The following SPMAP2L variants were observed in gnomAD, a reference collection of about 807,000 sequenced individuals.
The protein encoded by SPMAP2L is sperm microtubule associated protein 2-like.
At chr4:56,560,012 A>T in the SPMAP2L span, among the ~76,000 whole-genome samples, 1 of 152,210 alleles carries the variant, frequency 6.6e-6, no homozygotes, top group Non-Finnish European at 1.5e-5. Context: ...TCCAGAGCAA[A>T]ATCTGATACT....
chr4:56,565,952 AT>A, the SPMAP2L span, among the ~76,000 whole-genome samples: 1 of 152,122 alleles, frequency 6.6e-6, no homozygotes, highest in Admixed American at 6.6e-5. Context: ...CATGACATAT[AT>A]TTTTTATCCA....
At chr4:56,540,919 G>A in the SPMAP2L span, among the ~76,000 whole-genome samples, 1 of 152,242 alleles carries the variant, frequency 6.6e-6, no homozygotes, top group East Asian at 1.9e-4. Flanking sequence ...GAACACTGCT[G>A]TGCCCAGGAG....
chr4:56,605,386 C>T, the SPMAP2L span, among the ~76,000 whole-genome samples: 1 of 151,926 alleles, frequency 6.6e-6, no homozygotes, highest in African/African-American at 2.4e-5. Flanking sequence ...AGAATATTCA[C>T]CAATAAATGT....
At chr4:56,548,188 C>A in the SPMAP2L span, among the ~76,000 whole-genome samples, 27 of 152,062 alleles carry the variant, frequency 1.8e-4, no homozygotes, top group African/African-American at 6.5e-4. Context: ...AGAAAAATCT[C>A]ATTTTTTGCA....
the SPMAP2L span, among the ~76,000 whole-genome samples, chr4:56,611,132 A>G: frequency 6.6e-6 from 1 of 152,236 alleles, no homozygotes; most frequent in Non-Finnish European, 1.5e-5. Flanking sequence ...TACGAAAAAG[A>G]TACTTGCACA....
the SPMAP2L span, among the ~76,000 whole-genome samples, chr4:56,609,199 C>T: frequency 1.1e-4 from 17 of 152,024 alleles, no homozygotes; most frequent in East Asian, 5.8e-4. Context: ...CCCACCATCA[C>T]GCCAGACTAA....
the SPMAP2L span, among the ~76,000 whole-genome samples, chr4:56,558,301 C>A: frequency 2.0e-5 from 3 of 152,104 alleles, no homozygotes; most frequent in Non-Finnish European, 4.4e-5. Flanking sequence ...AGAGTCTCTG[C>A]TGTTTCTCAC....
At chr4:56,619,726 T>A in the SPMAP2L span, among the ~76,000 whole-genome samples, 1 of 152,072 alleles carries the variant, frequency 6.6e-6, no homozygotes, top group South Asian at 2.1e-4. Context: ...TAAGTGAAAC[T>A]ACAATGAACT....
chr4:56,619,036 C>T, the SPMAP2L span, among the ~76,000 whole-genome samples: 10 of 152,318 alleles, frequency 6.6e-5, no homozygotes, highest in South Asian at 1.9e-3. Context: ...TTGCTTTCCC[C>T]TGGTCCTACA....
At chr4:56,617,808 T>C in the SPMAP2L span, among the ~76,000 whole-genome samples, 9 of 152,160 alleles carry the variant, frequency 5.9e-5, no homozygotes, top group Non-Finnish European at 7.3e-5. Context: ...AAAGTTTTAT[T>C]GAGTGGAAGT....
the SPMAP2L span, among the ~76,000 whole-genome samples, chr4:56,596,220 T>C: frequency 6.6e-6 from 1 of 152,206 alleles, no homozygotes; most frequent in Non-Finnish European, 1.5e-5. Flanking sequence ...TGAGGTTTTT[T>C]TTATCTGCAT....
chr4:56,545,545 G>A, the SPMAP2L span, among the ~76,000 whole-genome samples: 1 of 151,996 alleles, frequency 6.6e-6, no homozygotes, highest in Non-Finnish European at 1.5e-5. Context: ...GGGCACCATA[G>A]TGAGACCCTG....
At chr4:56,530,877 AG>A in the SPMAP2L span, 1 of 1,534,826 alleles carries the variant, frequency 6.5e-7, no homozygotes, top group East Asian at 2.4e-5. Context: ...TCAGGGAGCA[AG>A]ACCAGAGAGA....
At chr4:56,597,100 A>G in the SPMAP2L span, among the ~76,000 whole-genome samples, 3 of 152,336 alleles carry the variant, frequency 2.0e-5, no homozygotes, top group Admixed American at 6.5e-5. Context: ...TACTTTGCCT[A>G]TGGTAGTCAG....
At chr4:56,625,186 C>T in the SPMAP2L span, among the ~76,000 whole-genome samples, 2 of 152,128 alleles carry the variant, frequency 1.3e-5, no homozygotes, top group African/African-American at 2.4e-5. Context: ...ATGGGGCCTG[C>T]TACCCCTTTG....
chr4:56,562,009 C>A, the SPMAP2L span, among the ~76,000 whole-genome samples: 11 of 152,276 alleles, frequency 7.2e-5, no homozygotes, highest in African/African-American at 2.6e-4. Context: ...CAGGCATGAG[C>A]CACCGCGCCT....
chr4:56,585,333 C>A, the SPMAP2L span, among the ~76,000 whole-genome samples: 1 of 152,192 alleles, frequency 6.6e-6, no homozygotes. Flanking sequence ...TGTATGTGGA[C>A]ATTACCGTGG....
the SPMAP2L span, among the ~76,000 whole-genome samples, chr4:56,596,274 A>G: frequency 3.3e-5 from 5 of 151,574 alleles, no homozygotes; most frequent in African/African-American, 1.2e-4. Context: ...AAAACAAAAC[A>G]CAACAACAAA....
At chr4:56,562,439 T>G in the SPMAP2L span, among the ~76,000 whole-genome samples, 1 of 152,274 alleles carries the variant, frequency 6.6e-6, no homozygotes, top group Non-Finnish European at 1.5e-5. Flanking sequence ...CTTCTCTCCT[T>G]TAAAATGTGT....
Sources: allele counts gnomAD v4.1 joint callset (sites outside exome capture counted in the v4.1 genomes callset), GRCh38; gene constraint gnomAD v4.1.1; transcripts MANE v1.5; gene names NCBI Gene and HGNC (gene_info 2026-07-23, HGNC 2026-07-21).